The following NRP2 variants were observed in gnomAD, a reference collection of about 807,000 sequenced individuals.
The protein encoded by NRP2 is neuropilin-2.
A neutral mutation model predicts 110.4 loss-of-function variants in NRP2; 52 were observed. The observed-to-expected ratio is 0.47, with a 90% CI of 0.38 to 0.59. The LOEUF is 0.59. Ranked by LOEUF, NRP2 falls within the 20% of genes least tolerant of loss-of-function variation. The pLI, the probability that NRP2 is intolerant of heterozygous loss-of-function variation, is 0.00. For synonymous variants in NRP2, 508 were observed against 468.9 expected, an observed-to-expected ratio of 1.08 and a Z score of -1.08; for missense variants, 1,049 against 1,203.0, an observed-to-expected ratio of 0.87 and a Z score of 1.89.
intron 1 of NRP2, among the ~76,000 whole-genome samples, chr2:205,697,129 G>A (rs1276902896): frequency 2.0e-5 from 3 of 151,962 alleles, no homozygotes; most frequent in Non-Finnish European, 4.4e-5. Context: ...GGGAGACACC[G>A]AATAAAATGA....
At position 205,723,903 on chromosome 2, in the gene NRP2, T is replaced by G; in HGVS notation, c.783T>G (p.Ser261=). The G allele has an allele frequency of 6.2e-7, 1 of 1,614,182 alleles. No individual in the cohort carries two copies. Among genetic ancestry groups the G allele is most frequent in the Non-Finnish European group, 8.5e-7 (1 of 1,180,028 alleles). ...TDMAVAKDGF[S]ARYYLVHQEP... is the part of the protein sequence containing the mutation. ...TGGCGGTGGCCAAGGATGGCTTCTC[T>G]GCGCGTTACTACCTGGTCCACCAAG... Residue 261 remains serine (S), a synonymous_variant, in exon 5 of 17, where the codon TCT becomes TCG. Coordinates refer to ENST00000357785, the MANE Select transcript of NRP2 (RefSeq NM_003872.3).
intron 1 of NRP2, among the ~76,000 whole-genome samples, chr2:205,684,635 T>C (rs967557782): frequency 6.6e-5 from 10 of 152,106 alleles, no homozygotes; most frequent in Non-Finnish European, 1.0e-4. Context: ...AGGAATGCCT[T>C]TGCCACCCAG....
At chr2:205,790,637 T>A (rs1049007644) in intron 15 of NRP2, among the ~76,000 whole-genome samples, 2 of 141,306 alleles carry the variant, frequency 1.4e-5, no homozygotes, top group African/African-American at 5.1e-5. Flanking sequence ...AATGTGACGG[T>A]TTTCTTCCAT....
chr2:205,758,537 A>G (rs755447700), intron 12 of NRP2, among the ~76,000 whole-genome samples: 1 of 152,182 alleles, frequency 6.6e-6, no homozygotes, highest in Non-Finnish European at 1.5e-5. Flanking sequence ...GCAGGTTAAA[A>G]TGCTGAATGG....
chr2:205,700,044 T>C (rs973034910), intron 2 of NRP2, among the ~76,000 whole-genome samples: 21 of 152,082 alleles, frequency 1.4e-4, no homozygotes, highest in East Asian at 9.6e-4. Flanking sequence ...CCTCTCACTC[T>C]TCAAGGTATT....
chr2:205,691,721 A>G (rs1240186479), intron 1 of NRP2, among the ~76,000 whole-genome samples: 2 of 152,226 alleles, frequency 1.3e-5, no homozygotes, highest in African/African-American at 4.8e-5. Flanking sequence ...GTAATCCCAG[A>G]TCTCTCATCA....
intron 4 of NRP2, 57 bp downstream of exon 4, chr2:205,722,765 TAG>T: frequency 1.4e-6 from 2 of 1,402,252 alleles, no homozygotes; most frequent in Non-Finnish European, 2.0e-6. Context: ...TTAATTGCTT[TAG>T]TGATGATAAA....
At chr2:205,794,134 G>A (rs188787698) in intron 16 of NRP2, among the ~76,000 whole-genome samples, 3 of 151,992 alleles carry the variant, frequency 2.0e-5, no homozygotes, top group South Asian at 2.1e-4. Context: ...TTTTGGAGAC[G>A]GAGTCTCGCT....
intron 15 of NRP2, among the ~76,000 whole-genome samples, chr2:205,785,157 T>C (rs1037237773): frequency 1.3e-5 from 2 of 152,216 alleles, no homozygotes; most frequent in African/African-American, 4.8e-5. Flanking sequence ...AGGGGCTATC[T>C]TTCAGAAGAT....
chr2:205,695,070 C>T (rs2056395224), intron 1 of NRP2, among the ~76,000 whole-genome samples: 1 of 152,070 alleles, frequency 6.6e-6, no homozygotes, highest in Non-Finnish European at 1.5e-5. Flanking sequence ...GGTGTGAATG[C>T]AAGCCAAACA....
At chr2:205,728,615 G>A (rs896100110) in intron 7 of NRP2, among the ~76,000 whole-genome samples, 2 of 152,232 alleles carry the variant, frequency 1.3e-5, no homozygotes, top group South Asian at 2.1e-4. Context: ...CCGCATCTGC[G>A]GCTCCCGGAG....
intron 12 of NRP2, chr2:205,756,655 G>T (rs1474172295): frequency 6.6e-6 from 1 of 152,188 alleles, no homozygotes; most frequent in Non-Finnish European, 1.5e-5. Flanking sequence ...GGACAACACT[G>T]CTCCAGTGCT....
At chr2:205,719,257 G>A (rs1399505798) in intron 3 of NRP2, among the ~76,000 whole-genome samples, 6 of 152,280 alleles carry the variant, frequency 3.9e-5, no homozygotes, top group Admixed American at 2.6e-4. Context: ...AGAAGCCTTC[G>A]ATGGTACATT....
chr2:205,689,306 T>C (rs544998925), intron 1 of NRP2, among the ~76,000 whole-genome samples: 1 of 152,222 alleles, frequency 6.6e-6, no homozygotes, highest in South Asian at 2.1e-4. Context: ...TGTGATCAGA[T>C]ACTTAGTCTA....
chr2:205,748,540 C>T (rs1016626282), intron 10 of NRP2, among the ~76,000 whole-genome samples: 4 of 152,164 alleles, frequency 2.6e-5, no homozygotes, highest in Non-Finnish European at 5.9e-5. Context: ...AGGTTATGTG[C>T]GTAGTATTTA....
chr2:205,756,722 G>A (rs1420664271), intron 12 of NRP2: 2 of 152,120 alleles, frequency 1.3e-5, no homozygotes, highest in African/African-American at 4.8e-5. Context: ...TTAGTTCCCT[G>A]GTTTTGGTAT....
chr2:205,696,934 A>AT (rs1027124144), intron 1 of NRP2, among the ~76,000 whole-genome samples: 1 of 151,810 alleles, frequency 6.6e-6, no homozygotes, highest in African/African-American at 2.4e-5. Flanking sequence ...GGGGGTTTGC[A>AT]TTTTTTTTCT....
intron 15 of NRP2, among the ~76,000 whole-genome samples, chr2:205,787,668 C>T (rs1466888700): frequency 1.3e-5 from 2 of 149,650 alleles, no homozygotes; most frequent in Non-Finnish European, 3.0e-5. Context: ...ATAATCTTAA[C>T]TTAGAAGAAG....
intron 7 of NRP2, among the ~76,000 whole-genome samples, chr2:205,738,987 G>A (rs1217481405): frequency 1.3e-5 from 2 of 152,188 alleles, no homozygotes; most frequent in Non-Finnish European, 2.9e-5. Flanking sequence ...TAGCAAGCAG[G>A]AAATAGGGCT....
Sources: allele counts gnomAD v4.1 joint callset (sites outside exome capture counted in the v4.1 genomes callset), GRCh38; gene constraint gnomAD v4.1.1; transcripts MANE v1.5; gene names NCBI Gene and HGNC (gene_info 2026-07-23, HGNC 2026-07-21).